Variants in CLEC16A observed in about 807,000 individuals in gnomAD.
CLEC16A encodes the protein protein CLEC16A.
Under a neutral mutation model 109.5 loss-of-function variants are expected in CLEC16A, and 51 were observed. That is an observed-to-expected ratio of 0.47 (90% CI 0.37 to 0.59). CLEC16A has a LOEUF of 0.59. Ranked by LOEUF, CLEC16A falls within the 20% of genes least tolerant of loss-of-function variation. CLEC16A has a pLI of 0.00. For synonymous variants in CLEC16A, 673 were observed against 564.2 expected (o/e 1.19, Z -2.73); for missense variants, 1,339 against 1,394.0 (o/e 0.96, Z 0.63).
intron 19 of CLEC16A, among the ~76,000 whole-genome samples, chr16:11,071,387 A>G (rs1310863840): frequency 1.3e-5 from 2 of 152,158 alleles, no homozygotes; most frequent in African/African-American, 4.8e-5. Context: ...GTTTTTCAAG[A>G]ATGTAAATGT....
intron 22 of CLEC16A, among the ~76,000 whole-genome samples, chr16:11,164,400 T>C (rs1313964513): frequency 6.6e-6 from 1 of 152,148 alleles, no homozygotes; most frequent in African/African-American, 2.4e-5. Flanking sequence ...TGAGTGGAAA[T>C]AGCCCCTCCT....
intron 22 of CLEC16A, chr16:11,136,346 T>C (rs1350113672): frequency 2.0e-5 from 3 of 152,242 alleles, no homozygotes; most frequent in African/African-American, 7.2e-5. Context: ...AAAAATGGGA[T>C]ACAAGTGTCA....
intron 22 of CLEC16A, among the ~76,000 whole-genome samples, chr16:11,153,396 GACA>G (rs1020829421): frequency 3.3e-4 from 50 of 152,144 alleles, no homozygotes; most frequent in African/African-American, 1.2e-3. Context: ...GTGAGGAGTT[GACA>G]GCTTTAGGGT....
intron 19 of CLEC16A, among the ~76,000 whole-genome samples, chr16:11,092,637 C>G (rs1315961734): frequency 6.6e-6 from 1 of 152,210 alleles, no homozygotes; most frequent in African/African-American, 2.4e-5. Context: ...CAGATTTGAA[C>G]ATAACTGATT....
At chr16:11,164,609 T>C (rs2054839938) in intron 22 of CLEC16A, among the ~76,000 whole-genome samples, 1 of 152,240 alleles carries the variant, frequency 6.6e-6, no homozygotes, top group African/African-American at 2.4e-5. Context: ...GGCACACTGC[T>C]TCTGTCCAGA....
chr16:10,967,637 A>G (rs923965588), intron 3 of CLEC16A, among the ~76,000 whole-genome samples: 4 of 152,194 alleles, frequency 2.6e-5, no homozygotes, highest in Admixed American at 6.5e-5. Flanking sequence ...GTCCATTCAC[A>G]CAGCCAGTGA....
intron 3 of CLEC16A, among the ~76,000 whole-genome samples, chr16:10,966,748 C>T (rs568660165): frequency 1.3e-5 from 2 of 152,148 alleles, no homozygotes; most frequent in African/African-American, 4.8e-5. Context: ...CATCACATCT[C>T]GTGAGAACTC....
At chr16:10,983,840 C>G (rs1170346638) in intron 10 of CLEC16A, among the ~76,000 whole-genome samples, 1 of 151,882 alleles carries the variant, frequency 6.6e-6, no homozygotes, top group Non-Finnish European at 1.5e-5. Flanking sequence ...GCACCTGGTT[C>G]CCTCTTTTCA....
At chr16:11,129,565 A>T (rs2153043621) in intron 22 of CLEC16A, among the ~76,000 whole-genome samples, 1 of 152,338 alleles carries the variant, frequency 6.6e-6, no homozygotes, top group African/African-American at 2.4e-5. Context: ...TCCAGACCAC[A>T]CTTTGAGACC....
rs527511746 is a variant in CLEC16A, at chr16:11,013,231, G to C, written c.1304-6962G>C. Among the ~76,000 whole-genome samples, 24 of 152,304 alleles carry C rather than the reference G, an allele frequency of 1.6e-4. No homozygotes were observed. The South Asian group carries it at 1.9e-3, about 12-fold the overall frequency. ...ATAATGCAACAATGTTGAATGAAAT[G>C]ATGTTATTCAAAGATCTGCTGTATT... On this transcript the variant is annotated intron_variant, in intron 11 of 23. Coordinates refer to ENST00000409790, the MANE Select transcript of CLEC16A (RefSeq NM_015226.3).
At chr16:11,060,219 G>A (rs1218462889) in intron 18 of CLEC16A, among the ~76,000 whole-genome samples, 2 of 152,180 alleles carry the variant, frequency 1.3e-5, no homozygotes, top group Non-Finnish European at 2.9e-5. Flanking sequence ...AAAGCCTGAG[G>A]GGCATTCAGG....
intron 22 of CLEC16A, among the ~76,000 whole-genome samples, chr16:11,140,988 C>T (rs17684919): frequency 0.074 from 11,339 of 152,284 alleles, 497 homozygotes; most frequent in East Asian, 0.11. Context: ...GAGTGCTTCA[C>T]GTTATCGTAG....
chr16:11,181,711 C>G lies in CLEC16A; in HGVS notation c.*3021C>G, dbSNP rs1482663109. ...GAGCAGCCCCTCCTCTGCCGCTGTC[C>G]CAGCCCAGTCCCTCTCCCGGAGCCT... On this transcript the variant is annotated 3_prime_UTR_variant, in exon 24 of 24. Transcript: ENST00000409790. 1.3e-5 allele frequency: 2 copies of G among 152,430 alleles called. No individual in the cohort carries two copies. Among genetic ancestry groups the G allele is most frequent in the African/African-American group, 2.4e-5 (1 of 41,458 alleles). 9.4% of individuals were successfully genotyped at this position (152,430 alleles called of 1,614,324 possible). A position where few individuals can be genotyped will look rare whatever the true frequency, so the allele number is the denominator to read the frequency against.
rs2041870123 is a variant in CLEC16A at position 10,954,072 on chromosome 16, A to T, written c.81-3710A>T. Among the ~76,000 whole-genome samples, 1 of 152,124 alleles carries T rather than the reference A, an allele frequency of 6.6e-6. No individual in the cohort carries two copies. The highest frequency in any genetic ancestry group is 1.5e-5 in the Non-Finnish European group (1 of 68,034). On this transcript the variant is annotated intron_variant, in intron 1 of 23. Transcript: ENST00000409790. The surrounding 1 kb of genome is among the most constrained non-coding windows in gnomAD (Gnocchi z 4.2). The stretch of plus-strand genomic sequence containing the variant: ...CATATATGAACAGGCACCCGGTTTC[A>T]CTACTGGAAGAAAGCCCCCACGCAA...
intron 13 of CLEC16A, among the ~76,000 whole-genome samples, chr16:11,029,360 G>C (rs969125676): frequency 6.6e-6 from 1 of 151,958 alleles, no homozygotes; most frequent in African/African-American, 2.4e-5. Context: ...ACACAGCAAG[G>C]TTCTAAAGGA....
intron 1 of CLEC16A, among the ~76,000 whole-genome samples, chr16:10,948,006 G>A (rs900343000): frequency 2.0e-5 from 3 of 152,038 alleles, no homozygotes; most frequent in African/African-American, 7.2e-5. Context: ...CCATTCTCCT[G>A]CCTCAGCCTC....
intron 19 of CLEC16A, among the ~76,000 whole-genome samples, chr16:11,088,563 G>A (rs1423444454): frequency 1.3e-5 from 2 of 152,340 alleles, no homozygotes; most frequent in Middle Eastern, 3.4e-3. Flanking sequence ...CTCTCAGGGA[G>A]TGGGATTTGT....
At chr16:11,105,033 A>G (rs1384561650) in intron 19 of CLEC16A, among the ~76,000 whole-genome samples, 1 of 152,218 alleles carries the variant, frequency 6.6e-6, no homozygotes, top group Non-Finnish European at 1.5e-5. Context: ...TTAAGTATTC[A>G]GATCTTTTCT....
intron 19 of CLEC16A, among the ~76,000 whole-genome samples, chr16:11,072,123 C>G (rs1040919198): frequency 2.6e-5 from 4 of 152,034 alleles, no homozygotes; most frequent in Non-Finnish European, 5.9e-5. Context: ...TTGTCTGTTA[C>G]ACTGTTGTTT....
Sources: allele counts gnomAD v4.1 joint callset (sites outside exome capture counted in the v4.1 genomes callset), GRCh38; gene constraint gnomAD v4.1.1; non-coding constraint Gnocchi (gnomAD v3.1); transcripts MANE v1.5; gene names NCBI Gene and HGNC (gene_info 2026-07-23, HGNC 2026-07-21).